Variants in SORCS1 observed in about 807,000 individuals in gnomAD.
SORCS1 encodes the protein VPS10 domain-containing receptor SorCS1.
A neutral mutation model predicts 146.1 loss-of-function variants in SORCS1; 60 were observed. The ratio of observed to expected loss-of-function variants is 0.41; its 90% confidence interval spans 0.33 to 0.51. The LOEUF is 0.51. Among genes scored for constraint, SORCS1 ranks in the 20% least tolerant of loss-of-function variants. The pLI is 0.21. For missense variants in SORCS1, 1,352 were observed against 1,487.6 expected, an observed-to-expected ratio of 0.91 and a Z score of 1.50; for synonymous variants, 637 against 584.0, an observed-to-expected ratio of 1.09 and a Z score of -1.31.
intron 2 of SORCS1, among the ~76,000 whole-genome samples, chr10:106,890,778 G>A (rs1289037161): frequency 1.3e-5 from 2 of 151,772 alleles, no homozygotes; most frequent in Non-Finnish European, 2.9e-5. Context: ...GTCAGTTACT[G>A]GCACCATTTG....
intron 1 of SORCS1, among the ~76,000 whole-genome samples, chr10:107,041,620 C>T (rs1959158237): frequency 6.6e-6 from 1 of 152,022 alleles, no homozygotes; most frequent in Admixed American, 6.6e-5. Flanking sequence ...TTCCCCTACA[C>T]CCATGGTTTT....
At chr10:106,582,106 C>T (rs75391976) in intron 24 of SORCS1, among the ~76,000 whole-genome samples, 2,291 of 151,486 alleles carry the variant, frequency 0.015, 62 homozygotes, top group African/African-American at 0.051. Flanking sequence ...ACAGCAAACT[C>T]GCATATGCAT....
intron 1 of SORCS1, among the ~76,000 whole-genome samples, chr10:106,985,797 A>G (rs750560810): frequency 4.6e-5 from 7 of 151,696 alleles, no homozygotes; most frequent in Non-Finnish European, 4.4e-5. Flanking sequence ...GGTCTCCCAA[A>G]GTGCTGGGAT....
At chr10:106,765,665 T>A (rs2136285179) in intron 4 of SORCS1, among the ~76,000 whole-genome samples, 1 of 152,118 alleles carries the variant, frequency 6.6e-6, no homozygotes, top group South Asian at 2.1e-4. Flanking sequence ...ATTCCTAGTC[T>A]ACAGCAGATG....
At position 106,806,705 on chromosome 10, in the gene SORCS1, C is replaced by A. The variant is rs552572009; in HGVS notation, c.726+22869G>T. Reference sequence around the variant, plus strand: ...TAATTTTTCGTATTTTTAGTAGAGACGGGGTTTCACCATGTTAGCCAGGAT... The same window carrying A: ...TAATTTTTCGTATTTTTAGTAGAGAAGGGGTTTCACCATGTTAGCCAGGAT... On this transcript the variant is annotated intron_variant, in intron 3 of 25. Transcript: ENST00000263054. 1.5e-4 allele frequency among the ~76,000 whole-genome samples: 23 copies of A among 151,552 alleles called. No homozygotes were observed. In the South Asian group the frequency reaches 4.0e-3, roughly 26 times the overall value.
At chr10:106,711,642 T>C (rs1036873355) in intron 6 of SORCS1, among the ~76,000 whole-genome samples, 1 of 152,234 alleles carries the variant, frequency 6.6e-6, no homozygotes, top group African/African-American at 2.4e-5. Flanking sequence ...AAGATGGGGA[T>C]AGCTCTCAAG....
chr10:106,754,575 G>C (rs947988093), intron 5 of SORCS1, among the ~76,000 whole-genome samples: 1 of 152,146 alleles, frequency 6.6e-6, no homozygotes, highest in Non-Finnish European at 1.5e-5. Context: ...TTAGCACAAG[G>C]CTTGGCACAC....
At chr10:106,921,234 A>T (rs1952697210) in intron 2 of SORCS1, among the ~76,000 whole-genome samples, 1 of 151,734 alleles carries the variant, frequency 6.6e-6, no homozygotes, top group Admixed American at 6.6e-5. Context: ...TGAGGGGAAG[A>T]CTCCTCCTAC....
At chr10:106,971,937 G>A (rs1955805538) in intron 1 of SORCS1, among the ~76,000 whole-genome samples, 1 of 152,212 alleles carries the variant, frequency 6.6e-6, no homozygotes, top group Non-Finnish European at 1.5e-5. Flanking sequence ...AATAGAGTAT[G>A]TATGGTGGCA....
chr10:106,774,782 T>C (rs755601497), intron 4 of SORCS1, among the ~76,000 whole-genome samples: 1 of 152,202 alleles, frequency 6.6e-6, no homozygotes, highest in Non-Finnish European at 1.5e-5. Context: ...TCAACTCATA[T>C]GTGTTAATCA....
At chr10:107,054,368 C>G (rs926983992) in intron 1 of SORCS1, among the ~76,000 whole-genome samples, 1 of 152,002 alleles carries the variant, frequency 6.6e-6, no homozygotes, top group African/African-American at 2.4e-5. Context: ...TAATTGGGAA[C>G]TTTTGTTGGG....
In SORCS1 at chr10:106,574,065, T is replaced by C. The variant is rs1477051329; in HGVS notation, c.*3355A>G. On this transcript the variant is annotated 3_prime_UTR_variant, in exon 26 of 26. Coordinates refer to ENST00000263054, the MANE Select transcript of SORCS1 (RefSeq NM_052918.5). ...TAAGAAAACTTTTTTTTTTTTTAAT[T>C]GGCTTCCTATAAAAATAAGTCGGCA... The C allele has an allele frequency of 6.6e-6, 1 of 151,322 alleles. No individual in the cohort carries two copies. The highest frequency in any genetic ancestry group is 1.5e-5 in the Non-Finnish European group (1 of 67,912). 9.4% of individuals were successfully genotyped at this position (151,322 alleles called of 1,614,324 possible).
chr10:106,755,014 A>C (rs899416282), intron 5 of SORCS1, among the ~76,000 whole-genome samples: 2 of 152,208 alleles, frequency 1.3e-5, no homozygotes, highest in Non-Finnish European at 2.9e-5. Context: ...GTTGCTGAAG[A>C]GTTTCTAATG....
At chr10:106,717,099 A>T (rs898935604) in intron 6 of SORCS1, among the ~76,000 whole-genome samples, 3 of 152,254 alleles carry the variant, frequency 2.0e-5, no homozygotes, top group African/African-American at 7.2e-5. Context: ...GCAGGCAAGC[A>T]TAAGCACTTT....
chr10:107,068,030 T>C (rs1395392306), intron 1 of SORCS1, among the ~76,000 whole-genome samples: 2 of 152,152 alleles, frequency 1.3e-5, no homozygotes, highest in East Asian at 3.9e-4. Flanking sequence ...AGAATAGTTT[T>C]GTTAGCCCTC....
intron 5 of SORCS1, among the ~76,000 whole-genome samples, chr10:106,758,679 A>G (rs1185154584): frequency 6.6e-6 from 1 of 152,238 alleles, no homozygotes; most frequent in Non-Finnish European, 1.5e-5. Flanking sequence ...CTAACTTTAT[A>G]CTTTACATGT....
intron 2 of SORCS1, among the ~76,000 whole-genome samples, chr10:106,861,503 C>T (rs895202442): frequency 4.6e-5 from 7 of 151,808 alleles, no homozygotes; most frequent in Non-Finnish European, 2.9e-5. Flanking sequence ...CATACATATG[C>T]AAATTATGAA....
At chr10:107,148,971 C>A (rs756714088) in intron 1 of SORCS1, among the ~76,000 whole-genome samples, 1 of 152,130 alleles carries the variant, frequency 6.6e-6, no homozygotes, top group African/African-American at 2.4e-5. Context: ...AAATGCTAGG[C>A]AAAAATTTCT....
At chr10:106,821,831 A>T (rs1456602572) in intron 3 of SORCS1, among the ~76,000 whole-genome samples, 1 of 151,984 alleles carries the variant, frequency 6.6e-6, no homozygotes, top group Admixed American at 6.6e-5. Context: ...CTCAGGCAGG[A>T]GAATGGCGTG....
Sources: gnomAD v4.1 joint callset for allele counts (sites outside exome capture counted in the v4.1 genomes callset) on GRCh38, gnomAD v4.1.1 for gene constraint, MANE v1.5 for transcripts, NCBI Gene and HGNC (gene_info 2026-07-23, HGNC 2026-07-21) for gene names.